The following GSG1L variants were observed in gnomAD, a reference collection of about 807,000 sequenced individuals.
The protein encoded by GSG1L is GSG1 like.
In GSG1L, 24 loss-of-function variants were observed where a neutral mutation model predicts 42.1. That is an observed-to-expected ratio of 0.57 (90% confidence interval 0.41 to 0.80). The LOEUF is 0.80. GSG1L is among the 30% of genes least tolerant of loss of function. The pLI, the probability that GSG1L is intolerant of heterozygous loss-of-function variation, is 0.00. For synonymous variants in GSG1L, 215 were observed against 203.5 expected, an observed-to-expected ratio of 1.06 and a Z score of -0.48; for missense variants, 445 against 472.2, an observed-to-expected ratio of 0.94 and a Z score of 0.53.
intron 3 of GSG1L, among the ~76,000 whole-genome samples, chr16:27,861,645 G>A (rs2083653722): frequency 6.6e-6 from 1 of 152,158 alleles, no homozygotes; most frequent in Admixed American, 6.5e-5. Context: ...ATGGAAATCT[G>A]TGTCTCCATC....
intron 1 of GSG1L, among the ~76,000 whole-genome samples, chr16:27,999,132 AG>A (rs1211225958): frequency 6.6e-6 from 1 of 152,190 alleles, no homozygotes; most frequent in Non-Finnish European, 1.5e-5. Flanking sequence ...GGAGCATAAT[AG>A]GGTTTAATAT....
chr16:28,011,024 C>T (rs1354993996), intron 1 of GSG1L, among the ~76,000 whole-genome samples: 1 of 152,192 alleles, frequency 6.6e-6, no homozygotes, highest in Non-Finnish European at 1.5e-5. Flanking sequence ...GCAGGCTGCA[C>T]TCCTTGGATG....
At chr16:27,912,751 A>G (rs978393184) in intron 2 of GSG1L, among the ~76,000 whole-genome samples, 4 of 152,202 alleles carry the variant, frequency 2.6e-5, no homozygotes, top group African/African-American at 9.6e-5. Flanking sequence ...TCACAGTCCA[A>G]TTTATAAAAG....
At chr16:27,792,556 C>G (rs776185257) in intron 6 of GSG1L, among the ~76,000 whole-genome samples, 1 of 152,146 alleles carries the variant, frequency 6.6e-6, no homozygotes, top group Non-Finnish European at 1.5e-5. Context: ...TACCTCCCGC[C>G]GAATCAAATC....
chr16:27,884,732 A>G lies in GSG1L; in HGVS notation c.398-94T>C. ...CCTCCCACAACAGCAGAGGGTAGCA[A>G]GTCATTCTAGAATAGAACCTGGTTC... On this transcript the variant is annotated intron_variant, in intron 2 of 6. Transcript: ENST00000447459. This position sits in a 1 kb window ranked among gnomAD's most constrained non-coding sequence, Gnocchi z 4.4. 3 of 1,264,902 alleles carry G rather than the reference A, an allele frequency of 2.4e-6. No homozygotes were observed. The highest frequency in any genetic ancestry group is 3.3e-6 in the Non-Finnish European group (3 of 918,460). The allele number at this position is 1,264,902 out of a possible 1,614,324, so 78.4% of individuals were successfully genotyped here.
At chr16:27,849,432 G>C (rs1276020848) in intron 3 of GSG1L, among the ~76,000 whole-genome samples, 1 of 152,312 alleles carries the variant, frequency 6.6e-6, no homozygotes, top group South Asian at 2.1e-4. Context: ...TGATTGTAAG[G>C]GGAGGAGGTA....
At chr16:27,976,971 T>C (rs2085257753) in intron 1 of GSG1L, among the ~76,000 whole-genome samples, 1 of 152,216 alleles carries the variant, frequency 6.6e-6, no homozygotes, top group Non-Finnish European at 1.5e-5. Context: ...TGAGCGTGGC[T>C]TGGCCCCTCT....
chr16:28,001,608 A>C (rs1184708337), intron 1 of GSG1L, among the ~76,000 whole-genome samples: 1 of 152,228 alleles, frequency 6.6e-6, no homozygotes, highest in Non-Finnish European at 1.5e-5. Flanking sequence ...GCTTGTTTTT[A>C]GACCAGAGGC....
chr16:27,903,496 T>C lies in GSG1L; in HGVS notation c.398-18858A>G, dbSNP rs573365074. On this transcript the variant is annotated intron_variant, in intron 2 of 6. Coordinates refer to ENST00000447459, the MANE Select transcript of GSG1L (RefSeq NM_001109763.2). ...TCGTCCCCTGCGGACCCCGGGTCAC[T>C]TTCCTCTGATGTGTGTCCCACAAGG... Among the ~76,000 whole-genome samples the C allele has an allele frequency of 3.3e-5, 5 of 152,250 alleles. No homozygotes were observed. The East Asian group carries it at 9.7e-4, about 29-fold the overall frequency.
At chr16:27,895,717 G>A (rs1057057994) in intron 2 of GSG1L, among the ~76,000 whole-genome samples, 1 of 151,962 alleles carries the variant, frequency 6.6e-6, no homozygotes, top group African/African-American at 2.4e-5. Flanking sequence ...CCCAGAGAGG[G>A]CGAGTGAGTT....
At chr16:28,030,799 GAGATA>G (rs2085951352) in intron 1 of GSG1L, among the ~76,000 whole-genome samples, 1 of 141,800 alleles carries the variant, frequency 7.1e-6, no homozygotes, top group East Asian at 2.1e-4. Flanking sequence ...GGGATGGGAT[GAGATA>G]AGTTGTATTG....
intron 1 of GSG1L, among the ~76,000 whole-genome samples, chr16:27,984,916 C>A (rs1273077252): frequency 6.6e-6 from 1 of 152,014 alleles, no homozygotes; most frequent in Non-Finnish European, 1.5e-5. Flanking sequence ...AGCCACCACG[C>A]CCAGCTAATT....
At chr16:27,840,212 A>C (rs556406449) in intron 4 of GSG1L, among the ~76,000 whole-genome samples, 138 of 151,612 alleles carry the variant, frequency 9.1e-4, no homozygotes, top group African/African-American at 3.0e-3. Context: ...TTTATTTTTT[A>C]TTGTTTTAGA....
At chr16:27,981,837 T>A (rs577741755) in intron 1 of GSG1L, among the ~76,000 whole-genome samples, 1 of 152,236 alleles carries the variant, frequency 6.6e-6, no homozygotes, top group African/African-American at 2.4e-5. Flanking sequence ...TAAATGCTTA[T>A]CTAAAATTAG....
intron 2 of GSG1L, chr16:27,887,939 C>A (rs1466228843): frequency 3.2e-5 from 7 of 217,890 alleles, no homozygotes; most frequent in Non-Finnish European, 5.5e-5. Flanking sequence ...AGCCTCCCAG[C>A]CCTTCGCTGG....
rs553418105 is a variant in GSG1L at position 27,855,545 on chromosome 16, C to T, written c.551-10484G>A. Among the ~76,000 whole-genome samples, 61 of 152,030 alleles carry T rather than the reference C, an allele frequency of 4.0e-4. No homozygotes were observed. In the South Asian group the frequency reaches 0.012, roughly 30 times the overall value. On this transcript the variant is annotated intron_variant, in intron 3 of 6. Transcript: ENST00000447459. ...GACCAACCTGGACAACATGGTGAAA[C>T]CCCATCTCTACTAAAAATACAAATA... is the stretch of plus-strand genomic sequence containing the variant.
chr16:27,980,419 CAG>C (rs1180021290), intron 1 of GSG1L, among the ~76,000 whole-genome samples: 1 of 152,124 alleles, frequency 6.6e-6, no homozygotes, highest in African/African-American at 2.4e-5. Flanking sequence ...GCAGGGTCAA[CAG>C]AGAGAGGCAG....
At chr16:27,872,537 C>T (rs1278915285) in intron 3 of GSG1L, among the ~76,000 whole-genome samples, 3 of 152,160 alleles carry the variant, frequency 2.0e-5, no homozygotes, top group African/African-American at 7.2e-5. Context: ...CTGAGACCTA[C>T]TGGGCTGCAT....
chr16:27,895,583 T>C (rs1272515227), intron 2 of GSG1L, among the ~76,000 whole-genome samples: 3 of 152,230 alleles, frequency 2.0e-5, no homozygotes, highest in Admixed American at 1.3e-4. Flanking sequence ...TTTTCAGAGT[T>C]AGAGGAAAAG....
Sources: gnomAD v4.1 joint callset for allele counts (sites outside exome capture counted in the v4.1 genomes callset) on GRCh38, gnomAD v4.1.1 for gene constraint, Gnocchi (gnomAD v3.1) non-coding constraint, MANE v1.5 for transcripts, NCBI Gene and HGNC (gene_info 2026-07-23, HGNC 2026-07-21) for gene names.